Variants in MACROD2 observed in about 807,000 individuals in gnomAD.
MACROD2 encodes the protein mono-ADP ribosylhydrolase 2, also known as ADP-ribose glycohydrolase MACROD2.
In MACROD2, 36 loss-of-function variants were observed where a neutral mutation model predicts 70.4. That is an observed-to-expected ratio of 0.51 (90% CI 0.39 to 0.68). The LOEUF is 0.68. Ranked by LOEUF, MACROD2 falls within the 30% of genes least tolerant of loss-of-function variation. MACROD2 has a pLI of 0.00. For missense variants in MACROD2, 496 were observed against 538.4 expected, an observed-to-expected ratio of 0.92 and a Z score of 0.78; for synonymous variants, 172 against 178.8, an observed-to-expected ratio of 0.96 and a Z score of 0.30.
chr20:14,809,051 C>T (rs940612496), intron 5 of MACROD2, among the ~76,000 whole-genome samples: 2 of 152,060 alleles, frequency 1.3e-5, no homozygotes, highest in African/African-American at 2.4e-5. Context: ...CAAGGATATT[C>T]AGGACTTGAA....
intron 5 of MACROD2, among the ~76,000 whole-genome samples, chr20:14,969,391 CACACACACACAT>C (rs1178308768): frequency 3.4e-5 from 5 of 146,842 alleles, no homozygotes; most frequent in South Asian, 4.3e-4. Context: ...CACACACACA[CACACACACACAT>C]ATATAAGCAT....
chr20:14,766,668 A>G (rs1273877606), intron 5 of MACROD2, among the ~76,000 whole-genome samples: 1 of 152,150 alleles, frequency 6.6e-6, no homozygotes, highest in African/African-American at 2.4e-5. Context: ...GATATTGAAG[A>G]CAACATATTC....
At chr20:15,318,673 A>G (rs781382707) in intron 6 of MACROD2, among the ~76,000 whole-genome samples, 2 of 152,176 alleles carry the variant, frequency 1.3e-5, no homozygotes, top group Non-Finnish European at 2.9e-5. Context: ...CAATAAGATA[A>G]CAGCAATCAA....
chr20:15,337,853 G>A lies in MACROD2; in HGVS notation c.541-93552G>A, dbSNP rs73265070. On this transcript the variant is annotated intron_variant, in intron 6 of 17. Transcript: ENST00000684519. ...CATGATTGGTTATATCATTTTTGAA[G>A]GCCATTAGGGCTGTTTAAGCTCATT... is the stretch of plus-strand genomic sequence containing the variant. Among the ~76,000 whole-genome samples the A allele has an allele frequency of 5.2e-3, 793 of 151,818 alleles. 31 individuals are homozygous for A. The highest frequency in any genetic ancestry group is 0.018 in the African/African-American group (747 of 41,130).
intron 5 of MACROD2, among the ~76,000 whole-genome samples, chr20:15,128,961 CCTTCT>C (rs913567545): frequency 6.6e-5 from 10 of 151,622 alleles, no homozygotes; most frequent in African/African-American, 2.4e-4. Flanking sequence ...TTTAATGCTT[CCTTCT>C]TGTTTGTGGA....
chr20:15,604,294 A>G (rs955538403), intron 8 of MACROD2, among the ~76,000 whole-genome samples: 2 of 152,182 alleles, frequency 1.3e-5, no homozygotes, highest in African/African-American at 4.8e-5. Context: ...CCCTCTTTCC[A>G]TCTTTTCTCC....
At chr20:15,607,747 TG>T (rs1300708215) in intron 8 of MACROD2, among the ~76,000 whole-genome samples, 1 of 152,154 alleles carries the variant, frequency 6.6e-6, no homozygotes, top group Non-Finnish European at 1.5e-5. Flanking sequence ...TTGGCCAGGC[TG>T]GTCTCAAACT....
chr20:14,602,019 G>C (rs1568692977), intron 4 of MACROD2, among the ~76,000 whole-genome samples: 2 of 152,274 alleles, frequency 1.3e-5, no homozygotes, highest in South Asian at 2.1e-4. Flanking sequence ...TTGAGAACAT[G>C]GATCATGTCG....
At chr20:15,063,179 T>A (rs886994734) in intron 5 of MACROD2, among the ~76,000 whole-genome samples, 3 of 152,146 alleles carry the variant, frequency 2.0e-5, no homozygotes, top group African/African-American at 7.2e-5. Context: ...CATGATACGC[T>A]GGAGTAAAGG....
chr20:15,940,992 T>G (rs1040582104), intron 12 of MACROD2, among the ~76,000 whole-genome samples: 1 of 152,172 alleles, frequency 6.6e-6, no homozygotes, highest in African/African-American at 2.4e-5. Flanking sequence ...CAGGCTGGGA[T>G]TTTTCCTGTT....
At chr20:14,303,100 C>T (rs1361369498) in intron 3 of MACROD2, among the ~76,000 whole-genome samples, 2 of 152,092 alleles carry the variant, frequency 1.3e-5, no homozygotes, top group Admixed American at 1.3e-4. Flanking sequence ...CTTACTATGG[C>T]TTATATTTAT....
At chr20:14,254,094 G>GT (rs770499022) in intron 3 of MACROD2, among the ~76,000 whole-genome samples, 7 of 151,872 alleles carry the variant, frequency 4.6e-5, no homozygotes, top group Non-Finnish European at 8.8e-5. Context: ...GAGGACATTT[G>GT]TTTTTCTGAA....
intron 11 of MACROD2, among the ~76,000 whole-genome samples, chr20:15,934,361 A>G (rs1452713164): frequency 3.9e-5 from 6 of 152,206 alleles, no homozygotes; most frequent in Non-Finnish European, 7.3e-5. Flanking sequence ...AAGAAGGCCA[A>G]TCAGAGAAAG....
chr20:15,041,258 G>A (rs181047132), intron 5 of MACROD2, among the ~76,000 whole-genome samples: 4 of 152,234 alleles, frequency 2.6e-5, no homozygotes, highest in Admixed American at 6.5e-5. Context: ...ACAGTTCCCA[G>A]TCATTGGAAG....
chr20:14,380,898 A>C (rs1386408993), intron 3 of MACROD2, among the ~76,000 whole-genome samples: 1 of 152,048 alleles, frequency 6.6e-6, no homozygotes, highest in Non-Finnish European at 1.5e-5. Context: ...CTCTTTTAGA[A>C]TTTACTATGT....
chr20:15,368,111 T>A (rs1181666431), intron 6 of MACROD2, among the ~76,000 whole-genome samples: 1 of 152,100 alleles, frequency 6.6e-6, no homozygotes, highest in Non-Finnish European at 1.5e-5. Context: ...AAGAAAAAGA[T>A]CCAATGGAAC....
intron 3 of MACROD2, among the ~76,000 whole-genome samples, chr20:14,204,686 G>A (rs2148750163): frequency 6.6e-6 from 1 of 152,308 alleles, no homozygotes; most frequent in Non-Finnish European, 1.5e-5. Context: ...CAGGCCAGCT[G>A]TTTCACATCC....
intron 3 of MACROD2, among the ~76,000 whole-genome samples, chr20:14,175,771 C>T (rs1012327823): frequency 1.3e-5 from 2 of 152,098 alleles, no homozygotes; most frequent in Non-Finnish European, 2.9e-5. Context: ...CAAATTGTTC[C>T]TAAAATCAGA....
chr20:14,437,483 A>G (rs1012133942), intron 3 of MACROD2, among the ~76,000 whole-genome samples: 1 of 152,102 alleles, frequency 6.6e-6, no homozygotes, highest in Admixed American at 6.6e-5. Flanking sequence ...AATCCTAGAT[A>G]CTTGGGAGGC....
Sources: gnomAD v4.1 joint callset for allele counts (sites outside exome capture counted in the v4.1 genomes callset) on GRCh38, gnomAD v4.1.1 for gene constraint, MANE v1.5 for transcripts, NCBI Gene and HGNC (gene_info 2026-07-23, HGNC 2026-07-21) for gene names.